The following LRP1B variants were observed in gnomAD, a reference collection of about 807,000 sequenced individuals.
LRP1B encodes the protein low-density lipoprotein receptor-related protein 1B.
In LRP1B, 217 loss-of-function variants were observed where a neutral mutation model predicts 556.6. The observed-to-expected ratio is 0.39, with a 90% CI of 0.35 to 0.44. The LOEUF (loss-of-function observed/expected upper bound fraction) is 0.44, where lower values mean the gene tolerates loss of function less well. Ranked by LOEUF, LRP1B falls within the 20% of genes least tolerant of loss-of-function variation. LRP1B has a pLI of 1.00. For missense variants in LRP1B, 5,053 were observed against 5,620.8 expected (o/e 0.90, Z 3.23); for synonymous variants, 2,047 against 1,865.8 (o/e 1.10, Z -2.50).
chr2:140,528,144 G>C (rs1339617846), intron 47 of LRP1B, among the ~76,000 whole-genome samples: 6 of 151,866 alleles, frequency 4.0e-5, no homozygotes, highest in African/African-American at 1.2e-4. Context: ...GGCAAATGTA[G>C]GGAATGGCAT....
intron 1 of LRP1B, among the ~76,000 whole-genome samples, chr2:142,072,270 T>G (rs1705345179): frequency 6.6e-6 from 1 of 151,974 alleles, no homozygotes; most frequent in Non-Finnish European, 1.5e-5. Context: ...TAGGTAAGTT[T>G]TTCTTACCTT....
intron 84 of LRP1B, among the ~76,000 whole-genome samples, chr2:140,285,704 C>T (rs1393185794): frequency 6.6e-6 from 1 of 151,544 alleles, no homozygotes; most frequent in African/African-American, 2.4e-5. Flanking sequence ...AGCATTTAAC[C>T]TTTAACAAGA....
chr2:141,153,947 G>T (rs1702002653), intron 7 of LRP1B, among the ~76,000 whole-genome samples: 1 of 151,656 alleles, frequency 6.6e-6, no homozygotes, highest in Non-Finnish European at 1.5e-5. Flanking sequence ...ATTGTTATTT[G>T]TTGGTCCCAT....
intron 7 of LRP1B, among the ~76,000 whole-genome samples, chr2:141,115,235 C>G (rs1277968885): frequency 1.3e-5 from 2 of 151,802 alleles, no homozygotes; most frequent in African/African-American, 4.8e-5. Context: ...GATTTGACTC[C>G]TCTCCTTCAT....
At chr2:141,789,002 A>C (rs1198511517) in intron 2 of LRP1B, among the ~76,000 whole-genome samples, 2 of 151,988 alleles carry the variant, frequency 1.3e-5, no homozygotes, top group Non-Finnish European at 2.9e-5. Context: ...ATATGTGTGC[A>C]TGTGTCTTTA....
rs72988310 is a variant in LRP1B at position 141,970,618 on chromosome 2, T to C, written c.82+160030A>G. On this transcript the variant is annotated intron_variant, in intron 1 of 90. Transcript: ENST00000389484. ...ATAAATGCATCTGTAACTGTAAGTA[T>C]ATGCCATCAGCTCAAGGCTAGAAAT... 6.5e-3 allele frequency among the ~76,000 whole-genome samples: 981 copies of C among 151,652 alleles called. 12 individuals are homozygous for C. Among genetic ancestry groups the C allele is most frequent in the African/African-American group, 0.022 (931 of 41,496 alleles).
intron 66 of LRP1B, among the ~76,000 whole-genome samples, chr2:140,441,323 G>A (rs1230797137): frequency 6.6e-6 from 1 of 152,104 alleles, no homozygotes; most frequent in Admixed American, 6.6e-5. Context: ...AAATTAGCCA[G>A]TAATATAAAC....
intron 20 of LRP1B, among the ~76,000 whole-genome samples, chr2:140,935,569 T>C (rs1695179040): frequency 6.6e-6 from 1 of 152,034 alleles, no homozygotes; most frequent in Non-Finnish European, 1.5e-5. Flanking sequence ...GAGCAATATA[T>C]AAATTTTCCA....
intron 2 of LRP1B, among the ~76,000 whole-genome samples, chr2:141,652,269 C>A (rs903481597): frequency 6.6e-6 from 1 of 152,084 alleles, no homozygotes; most frequent in Middle Eastern, 3.4e-3. Context: ...AAATTTGGTT[C>A]CAGAAAAAAT....
chr2:141,434,352 G>C (rs1573941176), intron 3 of LRP1B, among the ~76,000 whole-genome samples: 1 of 151,722 alleles, frequency 6.6e-6, no homozygotes, highest in East Asian at 1.9e-4. Context: ...CTTTTTTTCT[G>C]CCAGCTCAAA....
At chr2:141,615,046 T>C (rs1161507567) in intron 2 of LRP1B, among the ~76,000 whole-genome samples, 2 of 152,192 alleles carry the variant, frequency 1.3e-5, no homozygotes, top group Admixed American at 6.5e-5. Flanking sequence ...GAAACATGTA[T>C]GTTAGAGGAC....
intron 18 of LRP1B, among the ~76,000 whole-genome samples, chr2:140,960,595 T>C (rs1209735260): frequency 6.6e-6 from 1 of 151,682 alleles, no homozygotes; most frequent in Non-Finnish European, 1.5e-5. Context: ...AAAGGGGACC[T>C]ACGAGAATTA....
intron 2 of LRP1B, among the ~76,000 whole-genome samples, chr2:141,503,885 C>T (rs1683819269): frequency 6.6e-6 from 1 of 152,072 alleles, no homozygotes; most frequent in South Asian, 2.1e-4. Flanking sequence ...CACAACAGAG[C>T]ACTCCTTAAT....
chr2:141,388,730 C>T (rs1361332289), intron 3 of LRP1B, among the ~76,000 whole-genome samples: 1 of 152,070 alleles, frequency 6.6e-6, no homozygotes, highest in Non-Finnish European at 1.5e-5. Context: ...TCTCTATTAT[C>T]AGATGATATG....
intron 2 of LRP1B, among the ~76,000 whole-genome samples, chr2:141,743,511 T>G (rs1297415022): frequency 6.8e-6 from 1 of 147,568 alleles, no homozygotes; most frequent in East Asian, 2.0e-4. Context: ...CTTTTTTTTT[T>G]TTTTTTGATT....
In LRP1B at chr2:140,551,393, A is replaced by C. The variant is rs372444381; in HGVS notation, c.7195-9422T>G. Among the ~76,000 whole-genome samples, 28 of 152,204 alleles carry C rather than the reference A, an allele frequency of 1.8e-4. No homozygotes were observed. The South Asian group carries it at 5.8e-3, about 32-fold the overall frequency. ...TTGACAGAGGGAATATTTGGTGCAA[A>C]ATCCAACAACAACAGGGAGCATGAA... On this transcript the variant is annotated intron_variant, in intron 43 of 90. Coordinates refer to ENST00000389484, the MANE Select transcript of LRP1B (RefSeq NM_018557.3).
In LRP1B at chr2:140,696,394, G is replaced by A. The variant is rs111949034; in HGVS notation, c.6799+3856C>T. Among the ~76,000 whole-genome samples, 619 of 152,124 alleles carry A rather than the reference G, an allele frequency of 4.1e-3. 4 individuals carry two copies. The highest frequency in any genetic ancestry group is 0.013 in the African/African-American group (541 of 41,514). ...GTAGGGAGGATATTCAGAAAGATTC[G>A]TATAAACTATCAATACAGACTAATT... On this transcript the variant is annotated intron_variant, in intron 41 of 90. Coordinates refer to ENST00000389484, the MANE Select transcript of LRP1B (RefSeq NM_018557.3).
chr2:140,663,815 T>A (rs867080721), intron 41 of LRP1B, among the ~76,000 whole-genome samples: 4 of 152,224 alleles, frequency 2.6e-5, no homozygotes, highest in Non-Finnish European at 5.9e-5. Flanking sequence ...TGGCTTTTAT[T>A]GCGTTTCAAC....
intron 7 of LRP1B, among the ~76,000 whole-genome samples, chr2:141,105,604 G>T (rs1485889801): frequency 2.0e-5 from 3 of 152,024 alleles, no homozygotes; most frequent in Non-Finnish European, 2.9e-5. Flanking sequence ...ATCTTGCTCT[G>T]GTTTCAATAA....
Sources: allele counts gnomAD v4.1 joint callset (sites outside exome capture counted in the v4.1 genomes callset), GRCh38; gene constraint gnomAD v4.1.1; transcripts MANE v1.5; gene names NCBI Gene and HGNC (gene_info 2026-07-23, HGNC 2026-07-21).